The following RWDD2B variants were observed in gnomAD, a reference collection of about 807,000 sequenced individuals.
The protein encoded by RWDD2B is RWD domain containing 2B.
In RWDD2B, 36 loss-of-function variants were observed where a neutral mutation model predicts 33.6. The ratio of observed to expected loss-of-function variants is 1.07; its 90% CI spans 0.82 to 1.42. The LOEUF (loss-of-function observed/expected upper bound fraction) is 1.42. Ranked by LOEUF, RWDD2B falls within the 40% of genes most tolerant of loss-of-function variation. The pLI is 0.00. For synonymous variants in RWDD2B, 126 were observed against 133.1 expected, an observed-to-expected ratio of 0.95 and a Z score of 0.37; for missense variants, 364 against 377.5, an observed-to-expected ratio of 0.96 and a Z score of 0.30.
intron 1 of RWDD2B, among the ~76,000 whole-genome samples, chr21:29,016,324 G>A (rs1439867435): frequency 1.3e-5 from 2 of 151,982 alleles, no homozygotes; most frequent in East Asian, 3.9e-4. Flanking sequence ...GAGTGAAATG[G>A]TGCAATCTCG....
chr21:29,013,638 G>A (rs563130934), intron 1 of RWDD2B, among the ~76,000 whole-genome samples: 3 of 146,702 alleles, frequency 2.0e-5, no homozygotes, highest in East Asian at 2.0e-4. Flanking sequence ...GCAGTGAGCC[G>A]AGATCGCGCC....
intron 4 of RWDD2B, among the ~76,000 whole-genome samples, chr21:29,007,489 C>T (rs1304152888): frequency 6.6e-6 from 1 of 152,182 alleles, no homozygotes; most frequent in Non-Finnish European, 1.5e-5. Flanking sequence ...TGTACTTACA[C>T]AAACCTAGAT....
chr21:29,009,880 A>C (rs1486382173), intron 1 of RWDD2B, among the ~76,000 whole-genome samples: 1 of 152,170 alleles, frequency 6.6e-6, no homozygotes, highest in African/African-American at 2.4e-5. Flanking sequence ...ATTTAAATCC[A>C]AAGGGGATAA....
Position 29,015,224 on chromosome 21 carries a change from G to GTTTTTTTTTT in RWDD2B, c.67+3977_67+3986dup, listed in dbSNP as rs71189334. Among the ~76,000 whole-genome samples, 11 of 64,840 alleles carry GTTTTTTTTTT rather than the reference G, an allele frequency of 1.7e-4. 1 individual carries two copies. The highest frequency in any genetic ancestry group is 2.1e-4 in the Non-Finnish European group (8 of 38,506). The allele number at this position is 64,840 out of a possible 152,430, so 42.5% of individuals were successfully genotyped here. On this transcript the variant is annotated intron_variant, in intron 1 of 4. Coordinates refer to ENST00000493196, the MANE Select transcript of RWDD2B (RefSeq NM_016940.3). ...GTTTTCAGAAGTTTGATTATGATGCGTTTTTTTTTTTTTTTTTTTTTTTGA... is the reference window on the plus strand; with the variant it reads ...GTTTTCAGAAGTTTGATTATGATGCGTTTTTTTTTTTTTTTTTTTTTTTTTTTTTTTTTGA...
chr21:29,017,287 G>A (rs1052482574), intron 1 of RWDD2B, among the ~76,000 whole-genome samples: 3 of 152,144 alleles, frequency 2.0e-5, no homozygotes, highest in Non-Finnish European at 2.9e-5. Flanking sequence ...CTCTACTGGT[G>A]GGAGGATACC....
chr21:29,007,292 G>A lies in RWDD2B; in HGVS notation c.725+469C>T, dbSNP rs138739707. 4.7e-3 allele frequency among the ~76,000 whole-genome samples: 722 copies of A among 152,304 alleles called. 7 individuals are homozygous for A. The highest frequency in any genetic ancestry group is 0.017 in the African/African-American group (691 of 41,568). ...CTCCTACATGCACTTGTCAGGTGAC[G>A]GGGAAAATGCTGACTACATGTGATT... On this transcript the variant is annotated intron_variant, in intron 4 of 4. Coordinates refer to ENST00000493196, the MANE Select transcript of RWDD2B (RefSeq NM_016940.3).
intron 1 of RWDD2B, among the ~76,000 whole-genome samples, chr21:29,011,277 G>A (rs1157631319): frequency 4.6e-5 from 7 of 151,072 alleles, no homozygotes; most frequent in South Asian, 2.1e-4. Flanking sequence ...GTCTCTGCCC[G>A]GCCGCCCATC....
chr21:29,009,910 T>C (rs1279441735), intron 1 of RWDD2B, among the ~76,000 whole-genome samples: 1 of 152,190 alleles, frequency 6.6e-6, no homozygotes, highest in Non-Finnish European at 1.5e-5. Context: ...TTTCCTCCTA[T>C]TTCCTATCTC....
intron 1 of RWDD2B, among the ~76,000 whole-genome samples, chr21:29,015,279 G>A (rs1162859177): frequency 8.5e-6 from 1 of 117,834 alleles, no homozygotes; most frequent in Non-Finnish European, 1.6e-5. Flanking sequence ...CACCCAGGCT[G>A]GAGTACAATG....
rs772512007 is a variant in RWDD2B at position 29,006,491 on chromosome 21, GA to G, written c.885del (p.Gln296SerfsTer6). 1.2e-6 allele frequency: 2 copies of G among 1,614,076 alleles called. No homozygotes were observed. The highest frequency in any genetic ancestry group is 1.7e-6 in the Non-Finnish European group (2 of 1,179,988). On this transcript the variant is annotated frameshift_variant, in exon 5 of 5. Transcript: ENST00000493196. LOFTEE classifies it high-confidence loss of function. ...TTGGTGTTTAAGAACTGATAGAGCTGACCAAAGTCCATGTGGTTTCCCCTGG... is the reference window on the plus strand; with the variant it reads ...TTGGTGTTTAAGAACTGATAGAGCTGCCAAAGTCCATGTGGTTTCCCCTGG... ...NGARGNHMDF[G>X]QLYQFLNTKG...
intron 1 of RWDD2B, among the ~76,000 whole-genome samples, chr21:29,011,948 T>C (rs1463234384): frequency 3.6e-5 from 3 of 83,434 alleles, no homozygotes; most frequent in Admixed American, 1.3e-4. Context: ...GGTGGGGGGG[T>C]CAGCCCCCGA....
At chr21:29,009,379 A>G (rs997879362) in intron 1 of RWDD2B, among the ~76,000 whole-genome samples, 1 of 139,090 alleles carries the variant, frequency 7.2e-6, no homozygotes, top group Non-Finnish European at 1.5e-5. Flanking sequence ...GCCACTGTGC[A>G]TGGCATTTAT....
intron 4 of RWDD2B, 64 bp from the exon 5 acceptor site, chr21:29,006,715 G>C: frequency 1.1e-6 from 1 of 935,472 alleles, no homozygotes; most frequent in Non-Finnish European, 1.6e-6. Context: ...TAAAACAGAA[G>C]TTATAAAACA....
rs767485582 is a variant in RWDD2B, at chr21:29,008,032, G to T, written c.454C>A (p.Leu152Met). Residue 152 changes from leucine (L) to methionine (M), a missense_variant, in exon 4 of 5, where the codon CTG becomes ATG. Leu to Met is a conservative substitution (Grantham distance 15). Transcript: ENST00000493196. ...QKHCHGDVCILNATEWVREHA... is the reference protein window; with the variant it reads ...QKHCHGDVCIMNATEWVREHA... The stretch of plus-strand genomic sequence containing the variant: ...TCTCTAACCCACTCTGTGGCATTCA[G>T]TATACAAACATCTCCATGACAATGT... 1.2e-6 allele frequency: 2 copies of T among 1,614,210 alleles called. No individual in the cohort carries two copies. Among genetic ancestry groups the T allele is most frequent in the Admixed American group, 3.3e-5 (2 of 60,028 alleles).
rs757531079 is a variant in RWDD2B, at chr21:29,008,225, G to T, written c.362+15C>A. The T allele has an allele frequency of 1.2e-6, 2 of 1,613,906 alleles. No homozygotes were observed. Among genetic ancestry groups the T allele is most frequent in the Non-Finnish European group, 1.7e-6 (2 of 1,179,826 alleles). ...ATTTTGACCTCCAAAGTTGGCCAGA[G>T]CTTCTGTAACGTACCTGACAGTAAT... On this transcript the variant is annotated intron_variant, in intron 3 of 4. Transcript: ENST00000493196.
chr21:29,019,145 C>A, intron 1 of RWDD2B, 66 bp downstream of exon 1: 1 of 1,345,000 alleles, frequency 7.4e-7, no homozygotes, highest in Admixed American at 2.0e-5. Flanking sequence ...AAGGGTTGCA[C>A]TGGGCGCTGC....
At chr21:29,007,604 A>G (rs778178861) in intron 4 of RWDD2B, among the ~76,000 whole-genome samples, 157 bp downstream of exon 4, 2 of 152,216 alleles carry the variant, frequency 1.3e-5, no homozygotes, top group East Asian at 1.9e-4. Flanking sequence ...CAAGTGCCAT[A>G]TATCAGGTTT....
intron 1 of RWDD2B, among the ~76,000 whole-genome samples, chr21:29,018,009 A>G (rs2146342721): frequency 6.6e-6 from 1 of 152,340 alleles, no homozygotes; most frequent in South Asian, 2.1e-4. Flanking sequence ...TGTAAGAGCT[A>G]CAAGAGAGGT....
At chr21:29,010,631 A>AC (rs1568869939) in intron 1 of RWDD2B, among the ~76,000 whole-genome samples, 1 of 141,374 alleles carries the variant, frequency 7.1e-6, no homozygotes, top group African/African-American at 2.7e-5. Flanking sequence ...AAAAAAAAAA[A>AC]ACCAAAAAAA....
Sources: gnomAD v4.1 joint callset for allele counts (sites outside exome capture counted in the v4.1 genomes callset) on GRCh38, gnomAD v4.1.1 for gene constraint, MANE v1.5 for transcripts, NCBI Gene and HGNC (gene_info 2026-07-23, HGNC 2026-07-21) for gene names.